Variants in LCORL observed in about 807,000 individuals in gnomAD.
LCORL encodes ligand-dependent nuclear receptor corepressor-like protein.
In LCORL, 41 loss-of-function variants were observed where a neutral mutation model predicts 141.8. That is an observed-to-expected ratio of 0.29 (90% CI 0.23 to 0.38). The LOEUF is 0.38. Ranked by LOEUF, LCORL falls within the 10% of genes least tolerant of loss-of-function variation. The pLI is 1.00. For missense variants in LCORL, 1,759 were observed against 2,035.0 expected (o/e 0.86, Z 2.61); for synonymous variants, 618 against 694.1 (o/e 0.89, Z 1.72).
chr4:17,864,090 C>T (rs1442693665), intron 7 of LCORL, among the ~76,000 whole-genome samples: 1 of 151,956 alleles, frequency 6.6e-6, no homozygotes, highest in Non-Finnish European at 1.5e-5. Context: ...TACAACAAAT[C>T]CCCGTGCCAT....
At chr4:17,861,868 C>G (rs528390712) in intron 7 of LCORL, among the ~76,000 whole-genome samples, 2 of 152,286 alleles carry the variant, frequency 1.3e-5, no homozygotes, top group South Asian at 4.1e-4. Context: ...CTAAACATAA[C>G]AAGAGTCACC....
chr4:17,980,318 C>G (rs1405288846), intron 1 of LCORL, among the ~76,000 whole-genome samples: 1 of 152,116 alleles, frequency 6.6e-6, no homozygotes, highest in Non-Finnish European at 1.5e-5. Flanking sequence ...TTTTCTTGTC[C>G]CGCTCTGATC....
exon 8 of LCORL, chr4:17,843,598 T>C: frequency 1.7e-6 from 1 of 575,830 alleles, no homozygotes; most frequent in East Asian, 3.2e-5. Flanking sequence ...CATCAGTTAT[T>C]ATAGTCCAGA....
intron 1 of LCORL, among the ~76,000 whole-genome samples, chr4:17,981,016 T>G (rs1461469606): frequency 2.6e-5 from 4 of 152,188 alleles, no homozygotes; most frequent in African/African-American, 9.7e-5. Context: ...CTTAGATAAC[T>G]TAATCCTTCC....
Position 18,003,986 on chromosome 4 carries a change from G to A in LCORL, c.154+17612C>T, listed in dbSNP as rs77318580. Among the ~76,000 whole-genome samples the A allele has an allele frequency of 7.6e-3, 1,152 of 152,262 alleles. 11 individuals are homozygous for A. The highest frequency in any genetic ancestry group is 0.026 in the African/African-American group (1,093 of 41,542). Reference sequence around the variant, plus strand: ...CTGTGGATCTTCAAATGTTAAGAACGCAAGAATGCAAAGGTGCTACATGCA... The same window carrying A: ...CTGTGGATCTTCAAATGTTAAGAACACAAGAATGCAAAGGTGCTACATGCA... On this transcript the variant is annotated intron_variant, in intron 1 of 7. Transcript: ENST00000635767.
At chr4:17,982,969 A>C (rs1718285407) in intron 1 of LCORL, among the ~76,000 whole-genome samples, 1 of 152,208 alleles carries the variant, frequency 6.6e-6, no homozygotes, top group Non-Finnish European at 1.5e-5. Context: ...GTCTAGTTTC[A>C]ATTTTCTGCA....
At chr4:17,963,213 C>G (rs1209915022) in intron 2 of LCORL, among the ~76,000 whole-genome samples, 164 bp from the exon 3 acceptor site, 1 of 151,932 alleles carries the variant, frequency 6.6e-6, no homozygotes, top group Non-Finnish European at 1.5e-5. Flanking sequence ...TAGAAATAAA[C>G]AGAGAAGGCT....
At chr4:17,966,131 C>T (rs1305346850) in intron 2 of LCORL, among the ~76,000 whole-genome samples, 1 of 151,894 alleles carries the variant, frequency 6.6e-6, no homozygotes, top group African/African-American at 2.4e-5. Flanking sequence ...ATTCATAATC[C>T]CATCATCCGT....
chr4:18,005,076 C>T (rs896336411), intron 1 of LCORL, among the ~76,000 whole-genome samples: 14 of 152,126 alleles, frequency 9.2e-5, no homozygotes, highest in Non-Finnish European at 1.5e-4. Flanking sequence ...TGCCACCACA[C>T]CCAGCTAATT....
chr4:17,841,357 C>T (rs1722382843), exon 8 of LCORL: 1 of 151,856 alleles, frequency 6.6e-6, no homozygotes, highest in Non-Finnish European at 1.5e-5. Flanking sequence ...TTTTAAGGCC[C>T]TTTTCGATGC....
chr4:17,921,730 AAGG>A (rs1324292334), intron 4 of LCORL, among the ~76,000 whole-genome samples: 2 of 152,124 alleles, frequency 1.3e-5, no homozygotes, highest in East Asian at 3.9e-4. Context: ...GGGTGTTGCA[AAGG>A]AGATTAACAT....
chr4:17,892,546 C>T (rs1577345539), intron 5 of LCORL, among the ~76,000 whole-genome samples: 3 of 151,936 alleles, frequency 2.0e-5, no homozygotes, highest in Admixed American at 1.3e-4. Flanking sequence ...ATTTTCTTCC[C>T]GATGTGTTTT....
chr4:17,909,223 CATTTCT>C, exon 5 of LCORL: 2 of 1,613,442 alleles, frequency 1.2e-6, no homozygotes, highest in Non-Finnish European at 1.7e-6. Context: ...CCAATTGAAC[CATTTCT>C]ATTCTCTTGA....
At chr4:17,969,946 C>T (rs1158157686) in intron 2 of LCORL, among the ~76,000 whole-genome samples, 1 of 152,084 alleles carries the variant, frequency 6.6e-6, no homozygotes, top group African/African-American at 2.4e-5. Context: ...GCTATCATTC[C>T]ATCTGACTGG....
chr4:17,848,600 G>A (rs561653994), intron 7 of LCORL, among the ~76,000 whole-genome samples: 19 of 152,242 alleles, frequency 1.2e-4, no homozygotes, highest in African/African-American at 4.1e-4. Context: ...CAGCGTGAGC[G>A]ACGCAGAAGA....
At chr4:17,842,116 A>G in exon 8 of LCORL, 1 of 520,998 alleles carries the variant, frequency 1.9e-6, no homozygotes, top group Non-Finnish European at 3.5e-6. Flanking sequence ...AAAATAAATT[A>G]AGTTTTAATC....
In LCORL at chr4:17,884,179, A is replaced by G; in HGVS notation, c.776+1889T>C. The G allele has an allele frequency of 6.4e-7, 1 of 1,550,440 alleles. No homozygotes were observed. The highest frequency in any genetic ancestry group is 8.7e-7 in the Non-Finnish European group (1 of 1,146,284). On this transcript the variant is annotated intron_variant, in intron 6 of 7. Transcript: ENST00000635767. The surrounding 1 kb of genome is among the most constrained non-coding windows in gnomAD (Gnocchi z 4.4). The stretch of plus-strand genomic sequence containing the variant: ...GGAGTATATTTTTCAGTTTTTGGAG[A>G]GCTGATCCTTCTAGGACTGAAGAGG...
intron 4 of LCORL, among the ~76,000 whole-genome samples, chr4:17,926,363 C>A (rs563103736): frequency 2.0e-5 from 3 of 152,328 alleles, no homozygotes; most frequent in African/African-American, 7.2e-5. Flanking sequence ...AAGCAGGCAG[C>A]GGAATGTGGA....
chr4:17,883,861 G>A, intron 6 of LCORL: 1 of 1,550,494 alleles, frequency 6.4e-7, no homozygotes. Flanking sequence ...ATTCTAAAGT[G>A]CTGTGAGGTA....
Sources: gnomAD v4.1 joint callset for allele counts (sites outside exome capture counted in the v4.1 genomes callset) on GRCh38, gnomAD v4.1.1 for gene constraint, Gnocchi (gnomAD v3.1) non-coding constraint, MANE v1.5 for transcripts, NCBI Gene and HGNC (gene_info 2026-07-23, HGNC 2026-07-21) for gene names.